Variants in C1orf21 observed in about 807,000 individuals in gnomAD.
The protein encoded by C1orf21 is uncharacterized protein C1orf21.
In C1orf21, 3 loss-of-function variants were observed where a neutral mutation model predicts 18.7. The observed-to-expected ratio is 0.16, with a 90% CI of 0.07 to 0.42. C1orf21 has a LOEUF of 0.42. Ranked by LOEUF, C1orf21 falls within the 10% of genes least tolerant of loss-of-function variation. The probability of loss-of-function intolerance (pLI) is 0.99; values close to 1 mark genes in which losing one functional copy is unlikely to be tolerated. For synonymous variants in C1orf21, 41 were observed against 46.4 expected (o/e 0.88, Z 0.47); for missense variants, 104 against 143.6 (o/e 0.72, Z 1.41).
rs532495769 is a variant in C1orf21, at chr1:184,437,514, G to C, written c.-124-39872G>C. ...ACCCTGAGTGCAAAGGTAGTACGCA[G>C]CAGTAAGGTCAAGGTGGGCAGGAGG... On this transcript the variant is annotated intron_variant, in intron 1 of 5. Transcript: ENST00000235307. 9.9e-5 allele frequency among the ~76,000 whole-genome samples: 15 copies of C among 152,142 alleles called. No homozygotes were observed. The South Asian group carries it at 3.1e-3, about 32-fold the overall frequency.
intron 1 of C1orf21, among the ~76,000 whole-genome samples, chr1:184,403,371 A>G (rs1033842122): frequency 2.0e-5 from 3 of 152,354 alleles, no homozygotes; most frequent in African/African-American, 7.2e-5. Flanking sequence ...GTAAAGTTCA[A>G]AAACGGCTAA....
intron 1 of C1orf21, among the ~76,000 whole-genome samples, chr1:184,470,292 C>T (rs1447202476): frequency 1.3e-5 from 2 of 152,184 alleles, no homozygotes; most frequent in South Asian, 2.1e-4. Context: ...GCAGAGTACA[C>T]GCAGAATATC....
chr1:184,442,212 T>C (rs80185506), intron 1 of C1orf21, among the ~76,000 whole-genome samples: 11 of 152,326 alleles, frequency 7.2e-5, no homozygotes, highest in African/African-American at 2.4e-4. Flanking sequence ...CATAATATAA[T>C]AACATCCAAT....
At chr1:184,587,457 C>G (rs1241347280) in intron 3 of C1orf21, among the ~76,000 whole-genome samples, 2 of 150,602 alleles carry the variant, frequency 1.3e-5, no homozygotes, top group African/African-American at 4.9e-5. Flanking sequence ...TCTCTCATTT[C>G]TTTGAGCAGT....
intron 1 of C1orf21, among the ~76,000 whole-genome samples, chr1:184,430,202 C>CT (rs1656718046): frequency 6.6e-6 from 1 of 151,168 alleles, no homozygotes; most frequent in African/African-American, 2.4e-5. Context: ...CCTGGCAACT[C>CT]TAGGTAGCCT....
intron 3 of C1orf21, among the ~76,000 whole-genome samples, chr1:184,515,949 A>AT (rs1658219269): frequency 6.6e-6 from 1 of 152,134 alleles, no homozygotes; most frequent in Non-Finnish European, 1.5e-5. Context: ...AGTAACTAGG[A>AT]TTACAGGCAC....
rs151299216 is a variant in C1orf21 at position 184,553,932 on chromosome 1, A to T, written c.190-36807A>T. Among the ~76,000 whole-genome samples the T allele has an allele frequency of 4.7e-3, 718 of 152,344 alleles. 7 individuals carry two copies. The highest frequency in any genetic ancestry group is 0.017 in the African/African-American group (689 of 41,574). The stretch of plus-strand genomic sequence containing the variant: ...AACTGATTTTCTCGGCTTGAAAGAG[A>T]AGTAACAGACACTAGGCTTAAGGGA... On this transcript the variant is annotated intron_variant, in intron 3 of 5. Coordinates refer to ENST00000235307, the MANE Select transcript of C1orf21 (RefSeq NM_030806.4).
intron 3 of C1orf21, among the ~76,000 whole-genome samples, chr1:184,556,805 G>C (rs909949226): frequency 6.6e-6 from 1 of 152,084 alleles, no homozygotes; most frequent in Non-Finnish European, 1.5e-5. Flanking sequence ...TAAGGAGGGT[G>C]ACTATAATTT....
chr1:184,509,694 C>T (rs1054520932), intron 3 of C1orf21, among the ~76,000 whole-genome samples: 8 of 152,138 alleles, frequency 5.3e-5, no homozygotes, highest in South Asian at 2.1e-4. Context: ...TTTAACAATT[C>T]TTTTTTTAAA....
At chr1:184,503,048 A>C (rs1658001040) in intron 2 of C1orf21, among the ~76,000 whole-genome samples, 1 of 141,532 alleles carries the variant, frequency 7.1e-6, no homozygotes, top group Non-Finnish European at 1.5e-5. Flanking sequence ...ATTGCACTCC[A>C]GCCTGGGTGA....
intron 3 of C1orf21, among the ~76,000 whole-genome samples, chr1:184,587,925 T>C (rs1480300833): frequency 6.6e-6 from 1 of 152,142 alleles, no homozygotes; most frequent in Admixed American, 6.5e-5. Flanking sequence ...ACGGTATACA[T>C]TGATTTTGTA....
intron 2 of C1orf21, among the ~76,000 whole-genome samples, chr1:184,497,631 T>C (rs1657911922): frequency 6.6e-6 from 1 of 152,230 alleles, no homozygotes; most frequent in African/African-American, 2.4e-5. Flanking sequence ...TTCAGATGTA[T>C]TTTTCCATTT....
chr1:184,522,238 A>G (rs973098198), intron 3 of C1orf21, among the ~76,000 whole-genome samples: 2 of 152,220 alleles, frequency 1.3e-5, no homozygotes. Flanking sequence ...TATAATGTAT[A>G]TAGGCATGTA....
chr1:184,546,883 C>T (rs1658735472), intron 3 of C1orf21, among the ~76,000 whole-genome samples: 1 of 152,152 alleles, frequency 6.6e-6, no homozygotes, highest in Admixed American at 6.5e-5. Flanking sequence ...AGTAGGGCAG[C>T]CTCGCCATCC....
intron 3 of C1orf21, among the ~76,000 whole-genome samples, chr1:184,565,396 A>C (rs368640655): frequency 6.6e-6 from 1 of 152,244 alleles, no homozygotes; most frequent in East Asian, 1.9e-4. Flanking sequence ...CTAAGAGTTT[A>C]AGTTACTTAC....
At chr1:184,433,795 C>T (rs748857068) in intron 1 of C1orf21, among the ~76,000 whole-genome samples, 11 of 152,114 alleles carry the variant, frequency 7.2e-5, no homozygotes, top group Non-Finnish European at 1.3e-4. Flanking sequence ...GTCTCTTGAC[C>T]TTTAGTTTCC....
chr1:184,561,750 C>T lies in C1orf21; in HGVS notation c.190-28989C>T, dbSNP rs578002357. ...CTCCTGCCTCAGCCTCCCAAGTAGGCGGGATTACAGGCGCCCACCACCATG... is the reference window on the plus strand; with the variant it reads ...CTCCTGCCTCAGCCTCCCAAGTAGGTGGGATTACAGGCGCCCACCACCATG... On this transcript the variant is annotated intron_variant, in intron 3 of 5. Transcript: ENST00000235307. Among the ~76,000 whole-genome samples the T allele has an allele frequency of 5.9e-5, 9 of 152,024 alleles. No individual in the cohort carries two copies. The East Asian group carries it at 9.7e-4, about 16-fold the overall frequency.
chr1:184,482,716 ATG>A (rs1265953068), intron 2 of C1orf21, among the ~76,000 whole-genome samples: 4 of 152,214 alleles, frequency 2.6e-5, no homozygotes, highest in African/African-American at 7.2e-5. Flanking sequence ...GCTCTGAAGT[ATG>A]TGTCTCTGAG....
intron 3 of C1orf21, among the ~76,000 whole-genome samples, chr1:184,524,685 G>A (rs978779769): frequency 7.9e-5 from 12 of 151,746 alleles, no homozygotes; most frequent in African/African-American, 2.7e-4. Flanking sequence ...TATTGAATTA[G>A]ACAAATAAAT....
Sources: allele counts gnomAD v4.1 joint callset (sites outside exome capture counted in the v4.1 genomes callset), GRCh38; gene constraint gnomAD v4.1.1; transcripts MANE v1.5; gene names NCBI Gene and HGNC (gene_info 2026-07-23, HGNC 2026-07-21).